CABYR: variants seen among roughly 807,000 people sequenced by gnomAD.
CABYR encodes calcium binding tyrosine phosphorylation regulated, also known as calcium-binding tyrosine phosphorylation-regulated protein.
A neutral mutation model predicts 36.1 loss-of-function variants in CABYR; 31 were observed. The ratio of observed to expected loss-of-function variants is 0.86; its 90% CI spans 0.64 to 1.16. CABYR has a LOEUF of 1.16. Ranked by LOEUF, CABYR falls within the 50% of genes most tolerant of loss-of-function variation. The probability of loss-of-function intolerance (pLI) is 0.00; values close to 1 mark genes in which losing one functional copy is unlikely to be tolerated. For synonymous variants in CABYR, 146 were observed against 160.7 expected, an observed-to-expected ratio of 0.91 and a Z score of 0.69; for missense variants, 429 against 455.8, an observed-to-expected ratio of 0.94 and a Z score of 0.53.
In CABYR at chr18:24,155,932, C is replaced by G. The variant is rs1334415769; in HGVS notation, c.431C>G (p.Pro144Arg). 1 of 1,614,180 alleles carries G rather than the reference C, an allele frequency of 6.2e-7. No homozygotes were observed. The highest frequency in any genetic ancestry group is 1.1e-5 in the South Asian group (1 of 91,080). Residue 144 changes from proline (P) to arginine (R), a missense_variant, in exon 4 of 6, where the codon CCA becomes CGA. Coordinates refer to ENST00000399496, the MANE Select transcript of CABYR (RefSeq NM_153769.3). ...GCAGTTGGTGGTCTTTCTTCCAAAC[C>G]AGCCACCCCTAAGACTACTACCCCA... ...TEAVGGLSSKPATPKTTTPPS... is the reference protein window; with the variant it reads ...TEAVGGLSSKRATPKTTTPPS...
Position 24,147,252 on chromosome 18 carries a change from CAAA to C in CABYR, c.199+3857_199+3859del, listed in dbSNP as rs5823414. ...TAGGTGACAGTGCAAAACCATGTCT[CAAA>C]AAAAAAAAAAAAAAAAAGCCTATAG... is the stretch of plus-strand genomic sequence containing the variant. On this transcript the variant is annotated intron_variant, in intron 3 of 5. Transcript: ENST00000399496. Among the ~76,000 whole-genome samples, 98 of 96,426 alleles carry C rather than the reference CAAA, an allele frequency of 1.0e-3. 1 individual carries two copies. Among genetic ancestry groups the C allele is most frequent in the Middle Eastern group, 0.012 (2 of 166 alleles). 63.3% of individuals were successfully genotyped at this position (96,426 alleles called of 152,430 possible).
Position 24,159,764 on chromosome 18 carries a change from A to G in CABYR, c.834A>G (p.Gly278=). Residue 278 remains glycine, a synonymous_variant, in exon 5 of 6, where the codon GGA becomes GGG. Coordinates refer to ENST00000399496, the MANE Select transcript of CABYR (RefSeq NM_153769.3). ...QEAQGWKPLP[G]HAVVSQSDVL... is the part of the protein sequence containing the mutation. ...CACAGGGATGGAAACCTCTTCCTGGACATGCTGTCGTTTCACAGTCAGATG... is the reference window on the plus strand; with the variant it reads ...CACAGGGATGGAAACCTCTTCCTGGGCATGCTGTCGTTTCACAGTCAGATG... The G allele has an allele frequency of 6.2e-7, 1 of 1,613,988 alleles. No homozygotes were observed. Among genetic ancestry groups the G allele is most frequent in the Non-Finnish European group, 8.5e-7 (1 of 1,180,020 alleles).
intron 4 of CABYR, chr18:24,156,419 T>A: frequency 6.2e-7 from 1 of 1,614,240 alleles, no homozygotes; most frequent in Non-Finnish European, 8.5e-7. Flanking sequence ...CTGAAGGAGT[T>A]GTTTATATCG....
chr18:24,156,167 T>C (rs772963173), intron 4 of CABYR, 125 bp downstream of exon 4: 1 of 1,614,196 alleles, frequency 6.2e-7, no homozygotes, highest in South Asian at 1.1e-5. Flanking sequence ...TGGTGGCTGC[T>C]CCTCTTGTGT....
chr18:24,143,599 C>T (rs941711435), intron 3 of CABYR, among the ~76,000 whole-genome samples, 186 bp downstream of exon 3: 12 of 150,286 alleles, frequency 8.0e-5, no homozygotes, highest in Non-Finnish European at 7.4e-5. Flanking sequence ...TGGAGTGCAG[C>T]GGCGCCGTCA....
chr18:24,143,193 A>C lies in CABYR; in HGVS notation c.79A>C (p.Lys27Gln). 6.2e-7 allele frequency: 1 copy of C among 1,614,130 alleles called. No homozygotes were observed. Among genetic ancestry groups the C allele is most frequent in the Non-Finnish European group, 8.5e-7 (1 of 1,180,008 alleles). ...LLEGISRAVLKTNPSNINQFA... is the reference protein window; with the variant it reads ...LLEGISRAVLQTNPSNINQFA... ...CGAGGGAATTAGCAGAGCTGTTCTC[A>C]AAACCAACCCATCAAACATCAACCA... The change falls in exon 2 of 6, where the codon AAA becomes CAA. Residue 27 changes from lysine to glutamine, a missense_variant. Physicochemically the swap from Lys to Gln is moderately conservative, Grantham distance 53. Coordinates refer to ENST00000399496, the MANE Select transcript of CABYR (RefSeq NM_153769.3).
chr18:24,156,769 T>C (rs1599395982), intron 4 of CABYR: 2 of 1,613,622 alleles, frequency 1.2e-6, no homozygotes, highest in Non-Finnish European at 1.7e-6. Context: ...GAAGTGGAGA[T>C]CACTTCAATA....
intron 3 of CABYR, among the ~76,000 whole-genome samples, chr18:24,154,031 A>C (rs1454066570): frequency 7.8e-6 from 1 of 127,918 alleles, no homozygotes; most frequent in Non-Finnish European, 1.6e-5. Context: ...TGAACCCGGG[A>C]GGTAGAGGTT....
Position 24,155,723 on chromosome 18 carries a change from G to A in CABYR, c.222G>A (p.Thr74=), listed in dbSNP as rs757898645. Residue 74 remains threonine, a synonymous_variant, in exon 4 of 6, where the codon ACG becomes ACA. Coordinates refer to ENST00000399496, the MANE Select transcript of CABYR (RefSeq NM_153769.3). ...CAGTAGAGAAATGGTCAGAAGGAAC[G>A]ACACCACAGAAGAAATTAGAATGTT... ...QIKVEKWSEG[T]TPQKKLECLK... 11 of 1,604,594 alleles carry A rather than the reference G, an allele frequency of 6.9e-6. No individual in the cohort carries two copies. Among genetic ancestry groups the A allele is most frequent in the Middle Eastern group, 1.7e-4 (1 of 6,016 alleles).
chr18:24,146,441 C>A (rs1034806881), intron 3 of CABYR, among the ~76,000 whole-genome samples: 5 of 151,970 alleles, frequency 3.3e-5, no homozygotes, highest in Non-Finnish European at 7.4e-5. Context: ...CTCAGCTACT[C>A]AGGAGGCTGA....
intron 3 of CABYR, among the ~76,000 whole-genome samples, chr18:24,150,006 T>G (rs1311826696): frequency 6.6e-6 from 1 of 152,222 alleles, no homozygotes; most frequent in East Asian, 1.9e-4. Flanking sequence ...GCTCCCACAG[T>G]GCAGCGGTGG....
intron 1 of CABYR, chr18:24,139,797 G>T: frequency 6.6e-6 from 1 of 152,384 alleles, no homozygotes; most frequent in Non-Finnish European, 1.5e-5. Flanking sequence ...CCCAAAGTCG[G>T]GGTGAGAACT....
intron 3 of CABYR, among the ~76,000 whole-genome samples, chr18:24,148,919 G>C (rs897443635): frequency 2.6e-5 from 4 of 152,184 alleles, no homozygotes; most frequent in African/African-American, 9.6e-5. Context: ...CTTCCACAGT[G>C]TGGAAGGGGA....
At chr18:24,153,387 C>T (rs2145874953) in intron 3 of CABYR, among the ~76,000 whole-genome samples, 1 of 152,312 alleles carries the variant, frequency 6.6e-6, no homozygotes, top group Non-Finnish European at 1.5e-5. Context: ...AGCCCTGCCT[C>T]CATCTTTCAT....
chr18:24,160,273 G>A (rs1187739094), intron 5 of CABYR: 1 of 545,982 alleles, frequency 1.8e-6, no homozygotes, highest in Non-Finnish European at 3.2e-6. Context: ...GTACCACAAT[G>A]ACTCATGCCA....
At chr18:24,160,198 T>C in intron 5 of CABYR, 129 bp downstream of exon 5, 3 of 694,696 alleles carry the variant, frequency 4.3e-6, no homozygotes, top group Non-Finnish European at 2.4e-6. Context: ...ATACTCTAAC[T>C]TCCTGGGGTT....
chr18:24,147,418 G>C (rs1181369031), intron 3 of CABYR, among the ~76,000 whole-genome samples: 5 of 152,078 alleles, frequency 3.3e-5, no homozygotes, highest in African/African-American at 1.2e-4. Context: ...CCAGGACAAA[G>C]ATCTCCAATG....
rs1288902559 is a variant in CABYR at position 24,156,548 on chromosome 18, A to C, written c.541+506A>C. The C allele has an allele frequency of 1.9e-6, 3 of 1,614,224 alleles. No individual in the cohort carries two copies. In the South Asian group the frequency reaches 3.3e-5, roughly 18 times the overall value. On this transcript the variant is annotated intron_variant, in intron 4 of 5. Coordinates refer to ENST00000399496, the MANE Select transcript of CABYR (RefSeq NM_153769.3). ...GAGTTAGTCCCAAATCTGTAGTAGA[A>C]AAGACCACCTCTGGCATGTCTAAAA...
chr18:24,154,205 A>G (rs1293036421), intron 3 of CABYR, among the ~76,000 whole-genome samples: 1 of 150,224 alleles, frequency 6.7e-6, no homozygotes, highest in Non-Finnish European at 1.5e-5. Context: ...ATATTTGTCT[A>G]TCTTATTTCT....
Sources: allele counts gnomAD v4.1 joint callset (sites outside exome capture counted in the v4.1 genomes callset), GRCh38; gene constraint gnomAD v4.1.1; transcripts MANE v1.5; gene names NCBI Gene and HGNC (gene_info 2026-07-23, HGNC 2026-07-21).